TMLHE: variants seen among roughly 807,000 people sequenced by gnomAD.
The protein encoded by TMLHE is trimethyllysine hydroxylase, epsilon, also known as trimethyllysine dioxygenase, mitochondrial.
TMLHE carries 18 observed loss-of-function variants against 25.7 expected under a neutral mutation model. The observed-to-expected ratio is 0.70, with a 90% CI of 0.48 to 1.04. The LOEUF is 1.04. TMLHE is among the 50% of genes least tolerant of loss of function. TMLHE has a pLI of 0.00. For missense variants in TMLHE, 236 were observed against 259.0 expected, an observed-to-expected ratio of 0.91 and a Z score of 0.61; for synonymous variants, 105 against 97.0, an observed-to-expected ratio of 1.08 and a Z score of -0.49.
chrX:155,534,045 A>G (rs2067264604), intron 2 of TMLHE, among the ~76,000 whole-genome samples: 2 of 112,066 alleles, frequency 1.8e-5, no homozygotes, highest in South Asian at 3.7e-4. Context: ...TGCATGAACC[A>G]TGGTCCTAGT....
chrX:155,577,809 A>G (rs1432671227), intron 1 of TMLHE, among the ~76,000 whole-genome samples: 2 of 110,911 alleles, frequency 1.8e-5, no homozygotes, highest in Non-Finnish European at 3.8e-5. Context: ...CCACTGGCCA[A>G]GGAGGGAAAG....
chrX:155,572,840 A>T (rs1169981484), intron 1 of TMLHE, among the ~76,000 whole-genome samples: 1 of 57,087 alleles, frequency 1.8e-5, no homozygotes, highest in African/African-American at 4.2e-5. Flanking sequence ...TTAATTCAAG[A>T]TGGATTAAAG....
chrX:155,541,498 A>G (rs1355872230), intron 2 of TMLHE, among the ~76,000 whole-genome samples: 1 of 111,705 alleles, frequency 9.0e-6, no homozygotes, highest in Non-Finnish European at 1.9e-5. Flanking sequence ...CAGTGCTGCA[A>G]TAAACATATG....
intron 1 of TMLHE, among the ~76,000 whole-genome samples, chrX:155,595,966 C>G (rs1290209371): frequency 5.4e-5 from 6 of 111,300 alleles, no homozygotes; most frequent in Non-Finnish European, 1.1e-4. Context: ...GAAAATCACC[C>G]AAGAGAAAGG....
intron 1 of TMLHE, among the ~76,000 whole-genome samples, chrX:155,546,514 CTGTG>C: frequency 9.1e-6 from 1 of 110,305 alleles, no homozygotes. Context: ...TGGTGAGTGC[CTGTG>C]TGTGTGTGCG....
chrX:155,574,395 A>G (rs1295098067), intron 1 of TMLHE, among the ~76,000 whole-genome samples: 1 of 112,232 alleles, frequency 8.9e-6, no homozygotes, highest in Admixed American at 9.4e-5. Context: ...TGAACTTTGA[A>G]TTTGTTTCCC....
At chrX:155,512,269 AACTC>A (rs1557333737) in intron 4 of TMLHE, among the ~76,000 whole-genome samples, 7 of 107,588 alleles carry the variant, frequency 6.5e-5, no homozygotes, top group East Asian at 2.9e-4. Context: ...TGCACCCACT[AACTC>A]ATCATCTAGC....
intron 1 of TMLHE, chrX:155,611,740 G>A (rs2067823585): frequency 9.0e-6 from 1 of 111,647 alleles, no homozygotes; most frequent in Non-Finnish European, 1.9e-5. Context: ...CAAAATATAT[G>A]TTCACCATTA....
At chrX:155,527,678 G>T (rs2067227720) in intron 2 of TMLHE, among the ~76,000 whole-genome samples, 1 of 111,826 alleles carries the variant, frequency 8.9e-6, no homozygotes, top group South Asian at 3.6e-4. Flanking sequence ...AAAAAAATAA[G>T]TTATGCCTTC....
At chrX:155,578,231 G>C (rs2067603539) in intron 1 of TMLHE, among the ~76,000 whole-genome samples, 1 of 111,738 alleles carries the variant, frequency 8.9e-6, no homozygotes, top group Non-Finnish European at 1.9e-5. Context: ...CAGGCCCACA[G>C]TGCAGCCACC....
chrX:155,581,251 T>C (rs1461225008), intron 1 of TMLHE, among the ~76,000 whole-genome samples: 1 of 111,515 alleles, frequency 9.0e-6, no homozygotes, highest in African/African-American at 3.3e-5. Flanking sequence ...GCATTCCCTT[T>C]GAAAACTGGC....
rs1557337199 is a variant in TMLHE at position 155,532,671 on chromosome X, G to GTGTC, written c.182-8040_182-8039insGACA. ...GTGTGGAATAATATGCAAAATTCGT[G>GTGTC]TGTGTGTGTGTGTGTGTGTGTGTGT... On this transcript the variant is annotated intron_variant, in intron 2 of 7. Transcript: ENST00000334398. Among the ~76,000 whole-genome samples, 13 of 81,727 alleles carry GTGTC rather than the reference G, an allele frequency of 1.6e-4. No individual in the cohort carries two copies. In the South Asian group the frequency reaches 6.8e-3, roughly 43 times the overall value. 71.0% of individuals were successfully genotyped at this position (81,727 alleles called of 115,157 possible). A position where few individuals can be genotyped will look rare whatever the true frequency, so the allele number is the denominator to read the frequency against.
chrX:155,524,742 A>G, intron 2 of TMLHE, 110 bp from the exon 3 acceptor site: 2 of 678,492 alleles, frequency 2.9e-6, no homozygotes, highest in Non-Finnish European at 4.1e-6. Context: ...ATAAGGGTTG[A>G]GGGGAGGGAC....
rs139585861 is a variant in TMLHE at position 155,578,529 on chromosome X, T to C, written c.-1-33252A>G. ...CACATATCACCTGTGTGCCAGGAGA[T>C]TGGCCCACCCAACCCATTGCTGCCA... On this transcript the variant is annotated intron_variant, in intron 1 of 7. Coordinates refer to ENST00000334398, the MANE Select transcript of TMLHE (RefSeq NM_018196.4). 6.9e-3 allele frequency among the ~76,000 whole-genome samples: 766 copies of C among 111,766 alleles called. 6 individuals are homozygous for C. The highest frequency in any genetic ancestry group is 0.024 in the African/African-American group (728 of 30,744).
rs185594295 is a variant in TMLHE, at chrX:155,579,104, A to G, written c.-2+33688T>C. On this transcript the variant is annotated intron_variant, in intron 1 of 7. Transcript: ENST00000334398. ...AAAACACTGGTGAAAGAAATTGTAC[A>G]TGACAAAAATGGGGAAAAACATCCC... Among the ~76,000 whole-genome samples the G allele has an allele frequency of 1.9e-3, 38 of 20,365 alleles. No individual in the cohort carries two copies. The East Asian group carries it at 0.33, about 175-fold the overall frequency. 17.7% of individuals were successfully genotyped at this position (20,365 alleles called of 115,157 possible).
chrX:155,604,413 G>A (rs1390480306), intron 1 of TMLHE, among the ~76,000 whole-genome samples: 4 of 111,470 alleles, frequency 3.6e-5, no homozygotes, highest in South Asian at 3.8e-4. Context: ...TCCCTGGCTC[G>A]GGCCCACAAT....
intron 3 of TMLHE, among the ~76,000 whole-genome samples, chrX:155,514,753 C>T (rs2067141042): frequency 9.0e-6 from 1 of 111,349 alleles, no homozygotes; most frequent in Non-Finnish European, 1.9e-5. Flanking sequence ...AACTAGAACC[C>T]CACCTTCTTG....
chrX:155,510,965 C>T (rs1041807934), intron 5 of TMLHE, among the ~76,000 whole-genome samples: 10 of 110,109 alleles, frequency 9.1e-5, no homozygotes, highest in African/African-American at 3.3e-4. Context: ...GATGGTATCT[C>T]ATTGTGGTTT....
intron 1 of TMLHE, among the ~76,000 whole-genome samples, chrX:155,591,221 G>A (rs1231003944): frequency 9.0e-6 from 1 of 111,181 alleles, no homozygotes; most frequent in Non-Finnish European, 1.9e-5. Context: ...AAGAAAGAAA[G>A]AAATAATGCA....
Sources: gnomAD v4.1 joint callset for allele counts (sites outside exome capture counted in the v4.1 genomes callset) on GRCh38, gnomAD v4.1.1 for gene constraint, MANE v1.5 for transcripts, NCBI Gene and HGNC (gene_info 2026-07-23, HGNC 2026-07-21) for gene names.